Variants in ZDHHC11B observed in about 807,000 individuals in gnomAD.
ZDHHC11B encodes the protein probable palmitoyltransferase ZDHHC11B.
ZDHHC11B carries 17 observed loss-of-function variants against 42.3 expected under a neutral mutation model. The observed-to-expected ratio is 0.40, with a 90% CI of 0.27 to 0.60. ZDHHC11B has a LOEUF of 0.60. Ranked by LOEUF, ZDHHC11B falls within the 20% of genes least tolerant of loss-of-function variation. ZDHHC11B has a pLI of 0.41. For synonymous variants in ZDHHC11B, 123 were observed against 193.5 expected, an observed-to-expected ratio of 0.64 and a Z score of 3.02; for missense variants, 262 against 463.2, an observed-to-expected ratio of 0.57 and a Z score of 3.99.
intron 12 of ZDHHC11B, among the ~76,000 whole-genome samples, chr5:722,305 A>G (rs1742249746): frequency 6.6e-6 from 1 of 151,802 alleles, no homozygotes; most frequent in Non-Finnish European, 1.5e-5. Context: ...AATTCACCCA[A>G]CTGACAAAAG....
chr5:770,771 G>T (rs1229966529), intron 1 of ZDHHC11B, among the ~76,000 whole-genome samples: 1 of 152,002 alleles, frequency 6.6e-6, no homozygotes, highest in African/African-American at 2.4e-5. Flanking sequence ...CTGCCAGTGT[G>T]CAGGGCTGAG....
In ZDHHC11B at chr5:766,944, C is replaced by T. The variant is rs576183666; in HGVS notation, c.1-25G>A. The T allele has an allele frequency of 3.1e-6, 5 of 1,606,588 alleles. No individual in the cohort carries two copies. In the Admixed American group the frequency reaches 8.4e-5, roughly 27 times the overall value. On this transcript the variant is annotated intron_variant, in intron 3 of 13. Transcript: ENST00000508859. The stretch of plus-strand genomic sequence containing the variant: ...TCTGCAGGACACAGAAGGGGAGGAC[C>T]TGCGCCATCAGCTCCGGGGAGGGCC...
At chr5:751,783 T>C (rs1481301946) in intron 6 of ZDHHC11B, among the ~76,000 whole-genome samples, 1 of 124,058 alleles carries the variant, frequency 8.1e-6, no homozygotes, top group Non-Finnish European at 1.8e-5. Flanking sequence ...TGGAGAGGGG[T>C]GGCCGTGGGA....
At chr5:746,158 G>T (rs1744786396) in intron 8 of ZDHHC11B, among the ~76,000 whole-genome samples, 1 of 148,086 alleles carries the variant, frequency 6.8e-6, no homozygotes, top group South Asian at 2.4e-4. Context: ...CTTCCATGGA[G>T]GGGCCAAACT....
chr5:734,328 A>G (rs1299550826), intron 10 of ZDHHC11B, among the ~76,000 whole-genome samples: 1 of 107,356 alleles, frequency 9.3e-6, no homozygotes, highest in Non-Finnish European at 1.9e-5. Context: ...ACAGGTGACA[A>G]CTCCGCTGCT....
At chr5:773,381 C>G (rs1736212598) in intron 1 of ZDHHC11B, among the ~76,000 whole-genome samples, 1 of 151,890 alleles carries the variant, frequency 6.6e-6, no homozygotes, top group Non-Finnish European at 1.5e-5. Context: ...GGTTGTGTAG[C>G]AGAAGAGACT....
Position 712,718 on chromosome 5 carries a change from G to T in ZDHHC11B, c.*8-436C>A, listed in dbSNP as rs567151354. Among the ~76,000 whole-genome samples, 1,207 of 151,204 alleles carry T rather than the reference G, an allele frequency of 8.0e-3. 26 individuals carry two copies. Among genetic ancestry groups the T allele is most frequent in the African/African-American group, 0.027 (1,124 of 41,028 alleles). On this transcript the variant is annotated intron_variant, in intron 13 of 13. Transcript: ENST00000508859. ...AGGTCAGGAGATCGAGACCTTCCTG[G>T]CTAATACGGTGAAACCCCGTCTCTA...
At chr5:760,177 A>C (rs1187151793) in intron 4 of ZDHHC11B, among the ~76,000 whole-genome samples, 1 of 151,800 alleles carries the variant, frequency 6.6e-6, no homozygotes, top group East Asian at 1.9e-4. Flanking sequence ...AGGGATTCTA[A>C]CAGCACATAA....
intron 9 of ZDHHC11B, among the ~76,000 whole-genome samples, chr5:743,189 C>A (rs1744360406): frequency 6.7e-6 from 1 of 149,170 alleles, no homozygotes; most frequent in South Asian, 2.3e-4. Context: ...AAAGCTTTAA[C>A]TTTGGACCTT....
chr5:729,402 T>G (rs1195892966), intron 12 of ZDHHC11B, among the ~76,000 whole-genome samples: 1 of 150,892 alleles, frequency 6.6e-6, no homozygotes, highest in African/African-American at 2.4e-5. Flanking sequence ...GGCTGTTCTG[T>G]GCAGGCTGGG....
At chr5:772,673 A>G (rs1423411226) in intron 1 of ZDHHC11B, among the ~76,000 whole-genome samples, 1 of 151,816 alleles carries the variant, frequency 6.6e-6, no homozygotes, top group Non-Finnish European at 1.5e-5. Flanking sequence ...GAGGGCTGAG[A>G]ACCAGGCCCA....
At chr5:771,225 G>A (rs1199719607) in intron 1 of ZDHHC11B, among the ~76,000 whole-genome samples, 1 of 151,814 alleles carries the variant, frequency 6.6e-6, no homozygotes, top group Non-Finnish European at 1.5e-5. Context: ...CCAAAGTGTG[G>A]CTCTGTCATC....
At position 733,758 on chromosome 5, in the gene ZDHHC11B, C is replaced by A; in HGVS notation, c.1017G>T (p.Lys339Asn). The A allele has an allele frequency of 6.2e-7, 1 of 1,610,934 alleles. No homozygotes were observed. Among genetic ancestry groups the A allele is most frequent in the African/African-American group, 1.3e-5 (1 of 74,334 alleles). The change falls in exon 11 of 14, where the codon AAG (lysine) becomes AAT (asparagine). Residue 339 changes from lysine (K) to asparagine (N), a missense_variant. By Grantham distance (94) the Lys-to-Asn change is moderately conservative. Coordinates refer to ENST00000508859, the MANE Select transcript of ZDHHC11B (RefSeq NM_001351303.2). ...GCTGGTGACTGCAACTTACCTGTGCCTTCGAATCCCCGTCCTGGTTTACTG... is the reference window on the plus strand; with the variant it reads ...GCTGGTGACTGCAACTTACCTGTGCATTCGAATCCCCGTCCTGGTTTACTG... ...CTSVNQDGDS[K>N]AQEADDAPST...
chr5:733,815 C>T lies in ZDHHC11B; in HGVS notation c.960G>A (p.Leu320=). 6.2e-7 allele frequency: 1 copy of T among 1,608,760 alleles called. No homozygotes were observed. The highest frequency in any genetic ancestry group is 8.5e-7 in the Non-Finnish European group (1 of 1,179,106). ...AQGVKAKSSL[L]IYKCPCHFCT... ...AGAAGTGACATGGGCATTTGTAAAT[C>T]AGCAGGGAGCTCTTGGCCTTGACTC... Residue 320 remains leucine (L), a synonymous_variant, in exon 11 of 14, where the codon CTG becomes CTA. Coordinates refer to ENST00000508859, the MANE Select transcript of ZDHHC11B (RefSeq NM_001351303.2).
intron 4 of ZDHHC11B, among the ~76,000 whole-genome samples, chr5:762,843 C>T (rs770616934): frequency 6.6e-6 from 1 of 150,850 alleles, no homozygotes; most frequent in African/African-American, 2.4e-5. Context: ...AACAGGCAAA[C>T]AATAGAGAAA....
At position 728,122 on chromosome 5, in the gene ZDHHC11B, A is replaced by G. The variant is rs1273451215; in HGVS notation, c.1058+2312T>C. 3.3e-5 allele frequency among the ~76,000 whole-genome samples: 5 copies of G among 151,798 alleles called. 1 individual carries two copies. The highest frequency in any genetic ancestry group is 9.7e-5 in the African/African-American group (4 of 41,156). On this transcript the variant is annotated intron_variant, in intron 12 of 13. Coordinates refer to ENST00000508859, the MANE Select transcript of ZDHHC11B (RefSeq NM_001351303.2). Reference sequence around the variant, plus strand: ...GCAAACATTTGAAAAGCTAATTCATACAAGAGGAACTGTGAAACAGTAAAA... The same window carrying G: ...GCAAACATTTGAAAAGCTAATTCATGCAAGAGGAACTGTGAAACAGTAAAA...
At position 776,659 on chromosome 5, in the gene ZDHHC11B, T is replaced by A. The variant is rs541168343; in HGVS notation, c.-229-7729A>T. Among the ~76,000 whole-genome samples, 20 of 151,984 alleles carry A rather than the reference T, an allele frequency of 1.3e-4. 1 individual carries two copies. The East Asian group carries it at 3.9e-3, about 29-fold the overall frequency. On this transcript the variant is annotated intron_variant, in intron 1 of 13. Transcript: ENST00000508859. ...GAAGCCCCAGAAGCAAAAGCCACCC[T>A]CACAGCGGAAGGAGTGGACAGAGCC...
At chr5:722,105 A>G (rs1340442016) in intron 12 of ZDHHC11B, among the ~76,000 whole-genome samples, 4 of 151,770 alleles carry the variant, frequency 2.6e-5, no homozygotes, top group African/African-American at 9.7e-5. Flanking sequence ...CAAAACTGAA[A>G]ACCCTTAGTA....
chr5:766,623 A>C (rs1735421086), intron 4 of ZDHHC11B, 75 bp downstream of exon 4: 1 of 1,450,114 alleles, frequency 6.9e-7, no homozygotes, highest in Non-Finnish European at 9.4e-7. Context: ...CATGGCCCAG[A>C]CCCCACAGCC....
Sources: allele counts gnomAD v4.1 joint callset (sites outside exome capture counted in the v4.1 genomes callset), GRCh38; gene constraint gnomAD v4.1.1; transcripts MANE v1.5; gene names NCBI Gene and HGNC (gene_info 2026-07-23, HGNC 2026-07-21).